Variants in ACOX1 observed in about 807,000 individuals in gnomAD.
ACOX1 encodes peroxisomal acyl-coenzyme A oxidase 1.
In ACOX1, 41 loss-of-function variants were observed where a neutral mutation model predicts 75.5. That is an observed-to-expected ratio of 0.54 (90% CI 0.42 to 0.70). ACOX1 has a LOEUF of 0.70. Ranked by LOEUF, ACOX1 falls within the 30% of genes least tolerant of loss-of-function variation. The probability of loss-of-function intolerance (pLI) is 0.00; values close to 1 mark genes in which losing one functional copy is unlikely to be tolerated. For missense variants in ACOX1, 630 were observed against 837.5 expected, an observed-to-expected ratio of 0.75 and a Z score of 3.06; for synonymous variants, 303 against 298.8, an observed-to-expected ratio of 1.01 and a Z score of -0.15.
At position 75,955,815 on chromosome 17, in the gene ACOX1, G is replaced by T; in HGVS notation, c.658+13C>A. 1 of 1,614,072 alleles carries T rather than the reference G, an allele frequency of 6.2e-7. No homozygotes were observed. The highest frequency in any genetic ancestry group is 1.1e-5 in the South Asian group (1 of 91,058). On this transcript the variant is annotated intron_variant, in intron 5 of 13. Transcript: ENST00000293217. ...TTTCATTTTCATCTCAACATCAGAT[G>T]AACAGTTCTTACCTGGCAAAGGCTT...
intron 2 of ACOX1, among the ~76,000 whole-genome samples, chr17:75,974,955 C>A (rs1456768762): frequency 7.2e-6 from 1 of 139,254 alleles, no homozygotes; most frequent in Non-Finnish European, 1.5e-5. Context: ...GAGGCTGAGG[C>A]GGGAGAATGG....
chr17:75,963,085 G>A (rs1038782004), intron 2 of ACOX1, among the ~76,000 whole-genome samples: 2 of 146,536 alleles, frequency 1.4e-5, no homozygotes, highest in African/African-American at 5.5e-5. Context: ...GAGCCACGAT[G>A]GCACCACTGC....
chr17:75,946,817 G>A (rs766512409), intron 13 of ACOX1, 22 bp from the exon 14 acceptor site: 2 of 1,609,878 alleles, frequency 1.2e-6, no homozygotes, highest in Non-Finnish European at 1.7e-6. Context: ...GGAGAGAGAA[G>A]AACTACTAAT....
chr17:75,960,116 G>C lies in ACOX1; in HGVS notation c.430+99C>G. 6.8e-7 allele frequency: 1 copy of C among 1,466,224 alleles called. No homozygotes were observed. Among genetic ancestry groups the C allele is most frequent in the Non-Finnish European group, 9.5e-7 (1 of 1,057,760 alleles). 90.8% of individuals were successfully genotyped at this position (1,466,224 alleles called of 1,614,324 possible). On this transcript the variant is annotated intron_variant, in intron 3 of 13. Coordinates refer to ENST00000293217, the MANE Select transcript of ACOX1 (RefSeq NM_004035.7). The surrounding 1 kb of genome is among the most constrained non-coding windows in gnomAD (Gnocchi z 4.4). ...AAAGAGCTCATTTAAACAGACCATA[G>C]AACATCGACACACCATCGATGGCAC... is the stretch of plus-strand genomic sequence containing the variant.
At chr17:75,952,815 A>T (rs2065786976) in intron 7 of ACOX1, among the ~76,000 whole-genome samples, 1 of 146,372 alleles carries the variant, frequency 6.8e-6, no homozygotes, top group Non-Finnish European at 1.5e-5. Flanking sequence ...TGGGCAACAG[A>T]GTGAGAATCC....
intron 2 of ACOX1, among the ~76,000 whole-genome samples, chr17:75,968,716 A>G (rs182746811): frequency 6.6e-6 from 1 of 151,820 alleles, no homozygotes; most frequent in Non-Finnish European, 1.5e-5. Flanking sequence ...TGAGGTCAGG[A>G]GTTCAAGACC....
chr17:75,946,612 A>T lies in ACOX1; in HGVS notation c.*136T>A. On this transcript the variant is annotated 3_prime_UTR_variant, in exon 14 of 14. Transcript: ENST00000293217. ...TTCATTTAATCTCTGAAATCTGTTC[A>T]TTTTTTCCCTCCATTTATAAAAAGG... The T allele has an allele frequency of 1.3e-6, 1 of 762,266 alleles. No individual in the cohort carries two copies. The allele number at this position is 762,266 out of a possible 1,614,324, so 47.2% of individuals were successfully genotyped here. A position where few individuals can be genotyped will look rare whatever the true frequency, so the allele number is the denominator to read the frequency against.
At position 75,978,656 on chromosome 17, in the gene ACOX1, C is replaced by T; in HGVS notation, c.147G>A (p.Glu49=). 1 of 1,614,182 alleles carries T rather than the reference C, an allele frequency of 6.2e-7. No homozygotes were observed. Among genetic ancestry groups the T allele is most frequent in the South Asian group, 1.1e-5 (1 of 91,082 alleles). ...MILNDPDFQH[E]DLNFLTRSQR... ...GGCTGCGAGTGAGGAAGTTCAAGTC[C>T]TCATGCTGGAAGTCTGGGTCGTTCA... Residue 49 remains glutamate, a synonymous_variant, in exon 2 of 14, where the codon GAG becomes GAA. Transcript: ENST00000293217. This position sits in a 1 kb window ranked among gnomAD's most constrained non-coding sequence, Gnocchi z 4.2.
chr17:75,978,629 C>A lies in ACOX1; in HGVS notation c.174G>T (p.Gln58His). 6.2e-7 allele frequency: 1 copy of A among 1,614,220 alleles called. No individual in the cohort carries two copies. The highest frequency in any genetic ancestry group is 1.3e-5 in the African/African-American group (1 of 75,054). The stretch of plus-strand genomic sequence containing the variant: ...TTTTCCTGACAGCCACCTCATAACG[C>A]TGGCTGCGAGTGAGGAAGTTCAAGT... ...HEDLNFLTRS[Q>H]RYEVAVRKSA... The change falls in exon 2 of 14, where the codon CAG becomes CAT. Residue 58 changes from glutamine (Q) to histidine (H), a missense_variant. Physicochemically the swap from Gln to His is conservative, Grantham distance 24 (BLOSUM62 0). Transcript: ENST00000293217. The surrounding 1 kb of genome is among the most constrained non-coding windows in gnomAD (Gnocchi z 4.2).
intron 7 of ACOX1, among the ~76,000 whole-genome samples, chr17:75,952,532 G>C (rs2065784246): frequency 6.6e-6 from 1 of 151,972 alleles, no homozygotes; most frequent in African/African-American, 2.4e-5. Context: ...GACTTCAAGT[G>C]ATCCACCCGC....
At chr17:75,946,871 T>A in intron 13 of ACOX1, 76 bp from the exon 14 acceptor site, 3 of 1,409,934 alleles carry the variant, frequency 2.1e-6, no homozygotes, top group South Asian at 2.4e-5. Flanking sequence ...TTTGTTTTTG[T>A]TTTTGTTTTT....
In ACOX1 at chr17:75,978,198, T is replaced by C. The variant is rs1383309594; in HGVS notation, c.269+336A>G. Among the ~76,000 whole-genome samples, 1 of 152,096 alleles carries C rather than the reference T, an allele frequency of 6.6e-6. No individual in the cohort carries two copies. Among genetic ancestry groups the C allele is most frequent in the East Asian group, 1.9e-4 (1 of 5,184 alleles). ...CAAGCTCCGCCTCCCTAGTTCACGC[T>C]ATTCTCCTGCCTCAGCCTCCCGAGT... On this transcript the variant is annotated intron_variant, in intron 2 of 13. Coordinates refer to ENST00000293217, the MANE Select transcript of ACOX1 (RefSeq NM_004035.7). The surrounding 1 kb of genome is among the most constrained non-coding windows in gnomAD (Gnocchi z 4.2).
chr17:75,948,704 G>A (rs1049222990), intron 12 of ACOX1, among the ~76,000 whole-genome samples: 20 of 151,824 alleles, frequency 1.3e-4, no homozygotes, highest in Non-Finnish European at 1.0e-4. Flanking sequence ...ACAGGCATGC[G>A]CCAGCACACC....
intron 2 of ACOX1, chr17:75,973,903 C>T: frequency 3.1e-6 from 3 of 969,828 alleles, no homozygotes; most frequent in East Asian, 5.2e-5. Flanking sequence ...AAACCCCCTT[C>T]TTATGAAATT....
Position 75,960,360 on chromosome 17 carries a change from C to A in ACOX1, c.285G>T (p.Gly95=). 6.2e-7 allele frequency: 1 copy of A among 1,613,946 alleles called. No individual in the cohort carries two copies. Among genetic ancestry groups the A allele is most frequent in the Non-Finnish European group, 8.5e-7 (1 of 1,180,018 alleles). Residue 95 remains glycine (G), a synonymous_variant, in exon 3 of 14, where the codon GGG becomes GGT. Transcript: ENST00000293217. The surrounding 1 kb of genome is among the most constrained non-coding windows in gnomAD (Gnocchi z 4.4). ...IMWFKNFVHR[G]RPEPLDLHLG... is the part of the protein sequence containing the mutation. The stretch of plus-strand genomic sequence containing the variant: ...AGTGAAGATCCAGAGGCTCAGGCCG[C>A]CCTCGGTGCACAAAACTTCGAGGAA...
intron 2 of ACOX1, among the ~76,000 whole-genome samples, chr17:75,975,004 C>T (rs1302143460): frequency 1.5e-5 from 2 of 136,172 alleles, no homozygotes; most frequent in Non-Finnish European, 3.1e-5. Flanking sequence ...GAGCCGAGAT[C>T]GCACCACTGC....
intron 2 of ACOX1, among the ~76,000 whole-genome samples, chr17:75,974,972 C>A (rs2066032085): frequency 6.7e-6 from 1 of 148,482 alleles, no homozygotes; most frequent in Admixed American, 6.7e-5. Context: ...ATGGCGTGAA[C>A]CCGGGAGGCG....
At chr17:75,971,741 C>CAAAA (rs11324447) in intron 2 of ACOX1, among the ~76,000 whole-genome samples, 100 of 116,098 alleles carry the variant, frequency 8.6e-4, no homozygotes, top group Middle Eastern at 9.3e-3. Flanking sequence ...GACTCTGACT[C>CAAAA]AAAAAAAAAA....
chr17:75,964,253 C>T (rs1245474738), intron 2 of ACOX1, among the ~76,000 whole-genome samples: 4 of 151,672 alleles, frequency 2.6e-5, no homozygotes, highest in Non-Finnish European at 5.9e-5. Context: ...GTGCCTTTCA[C>T]TCAAACAGAA....
Sources: allele counts gnomAD v4.1 joint callset (sites outside exome capture counted in the v4.1 genomes callset), GRCh38; gene constraint gnomAD v4.1.1; non-coding constraint Gnocchi (gnomAD v3.1); transcripts MANE v1.5; gene names NCBI Gene and HGNC (gene_info 2026-07-23, HGNC 2026-07-21).